CLMN: variants seen among roughly 807,000 people sequenced by gnomAD.
The protein encoded by CLMN is calmin (calponin-like, transmembrane).
A neutral mutation model predicts 92.7 loss-of-function variants in CLMN; 57 were observed. That is an observed-to-expected ratio of 0.61 (90% CI 0.50 to 0.77). CLMN has a LOEUF of 0.77. CLMN is among the 30% of genes least tolerant of loss of function. CLMN has a pLI of 0.00. For synonymous variants in CLMN, 466 were observed against 470.6 expected (o/e 0.99, Z 0.13); for missense variants, 1,158 against 1,237.5 (o/e 0.94, Z 0.96).
intron 1 of CLMN, among the ~76,000 whole-genome samples, chr14:95,312,151 T>C (rs1179908385): frequency 6.6e-6 from 1 of 152,006 alleles, no homozygotes; most frequent in Non-Finnish European, 1.5e-5. Context: ...CTCCCCACCC[T>C]ACACTCCTGC....
chr14:95,298,119 C>T (rs2140772962), intron 1 of CLMN, among the ~76,000 whole-genome samples: 1 of 152,250 alleles, frequency 6.6e-6, no homozygotes, highest in South Asian at 2.1e-4. Flanking sequence ...TCTCCCAGCT[C>T]CCATGGCGTC....
chr14:95,301,001 A>C (rs181778517), intron 1 of CLMN, among the ~76,000 whole-genome samples: 1 of 152,252 alleles, frequency 6.6e-6, no homozygotes, highest in Non-Finnish European at 1.5e-5. Flanking sequence ...AATAGAAATA[A>C]AAGTTGCAGA....
At chr14:95,303,157 G>A (rs1184646306) in intron 1 of CLMN, among the ~76,000 whole-genome samples, 2 of 152,204 alleles carry the variant, frequency 1.3e-5, no homozygotes, top group Non-Finnish European at 2.9e-5. Flanking sequence ...TTAAAAACTT[G>A]GCACCAGCCA....
intron 1 of CLMN, among the ~76,000 whole-genome samples, chr14:95,253,177 T>C (rs571759280): frequency 1.2e-4 from 18 of 152,184 alleles, no homozygotes; most frequent in African/African-American, 3.9e-4. Flanking sequence ...ACCACCCACA[T>C]TGGAAAGGAC....
At chr14:95,248,068 T>G (rs187714838) in intron 1 of CLMN, among the ~76,000 whole-genome samples, 2 of 149,718 alleles carry the variant, frequency 1.3e-5, no homozygotes, top group Admixed American at 1.3e-4. Flanking sequence ...TGGTTACAAT[T>G]AAAAGCAGCT....
intron 1 of CLMN, among the ~76,000 whole-genome samples, chr14:95,277,508 G>A (rs982967826): frequency 2.0e-5 from 3 of 152,154 alleles, no homozygotes; most frequent in African/African-American, 7.2e-5. Flanking sequence ...ATTATCTTGA[G>A]CAGTTAAAAG....
chr14:95,300,949 GGC>G (rs1364481362), intron 1 of CLMN, among the ~76,000 whole-genome samples: 2 of 152,232 alleles, frequency 1.3e-5, no homozygotes, highest in Non-Finnish European at 2.9e-5. Context: ...GAATCAGAAG[GGC>G]TCTGGTTGGT....
At chr14:95,244,797 T>C (rs1029556070) in intron 1 of CLMN, among the ~76,000 whole-genome samples, 2 of 151,924 alleles carry the variant, frequency 1.3e-5, no homozygotes, top group Admixed American at 6.6e-5. Flanking sequence ...ATCATATCAC[T>C]AACAGATCCC....
Position 95,194,624 on chromosome 14 carries a change from G to C in CLMN, c.2709-28C>G. The C allele has an allele frequency of 6.2e-7, 1 of 1,609,272 alleles. No homozygotes were observed. Among genetic ancestry groups the C allele is most frequent in the East Asian group, 2.2e-5 (1 of 44,854 alleles). ...GAAAAACAAACACATGTTTTGAATTGGTACCACCTGGAGCTCTTCATGGCT... is the reference window on the plus strand; with the variant it reads ...GAAAAACAAACACATGTTTTGAATTCGTACCACCTGGAGCTCTTCATGGCT... On this transcript the variant is annotated intron_variant, in intron 10 of 12. Coordinates refer to ENST00000298912, the MANE Select transcript of CLMN (RefSeq NM_024734.4). The surrounding 1 kb of genome is among the most constrained non-coding windows in gnomAD (Gnocchi z 4.0).
chr14:95,219,577 T>C (rs1897462002), intron 4 of CLMN, among the ~76,000 whole-genome samples: 1 of 152,128 alleles, frequency 6.6e-6, no homozygotes, highest in East Asian at 1.9e-4. Context: ...GTAGGTTTTG[T>C]TTTTCTCTCC....
chr14:95,233,629 C>A (rs1381151350), intron 1 of CLMN, among the ~76,000 whole-genome samples: 3 of 152,204 alleles, frequency 2.0e-5, no homozygotes, highest in African/African-American at 7.2e-5. Flanking sequence ...AACATGGCTG[C>A]CACAAGGTGT....
rs1190920379 is a variant in CLMN, at chr14:95,259,031, T to G, written c.83-28898A>C. Among the ~76,000 whole-genome samples the G allele has an allele frequency of 6.7e-6, 1 of 149,620 alleles. No individual in the cohort carries two copies. The highest frequency in any genetic ancestry group is 1.5e-5 in the Non-Finnish European group (1 of 67,432). On this transcript the variant is annotated intron_variant, in intron 1 of 12. Transcript: ENST00000298912. This position sits in a 1 kb window ranked among gnomAD's most constrained non-coding sequence, Gnocchi z 4.3. ...TATGTGTGATATGTGTTGTGTGTGT[T>G]TGTGTGGTGTGGTGTGTGGAGAATG...
intron 4 of CLMN, among the ~76,000 whole-genome samples, chr14:95,219,639 C>T (rs1395938562): frequency 1.3e-5 from 2 of 152,174 alleles, no homozygotes; most frequent in East Asian, 1.9e-4. Context: ...CATTTGCCTA[C>T]AGTTCCTGGG....
intron 7 of CLMN, among the ~76,000 whole-genome samples, chr14:95,210,167 C>T (rs1399670626): frequency 6.6e-6 from 1 of 152,176 alleles, no homozygotes; most frequent in East Asian, 1.9e-4. Context: ...ATTCTCCTGC[C>T]TCAGTCTCCC....
intron 1 of CLMN, among the ~76,000 whole-genome samples, chr14:95,253,403 G>T (rs1421939202): frequency 1.3e-5 from 2 of 152,108 alleles, no homozygotes; most frequent in East Asian, 3.9e-4. Flanking sequence ...ACCTCCTAAG[G>T]GTTAAGGCCA....
intron 1 of CLMN, among the ~76,000 whole-genome samples, chr14:95,306,517 T>C (rs1281489311): frequency 6.6e-6 from 1 of 151,814 alleles, no homozygotes; most frequent in Non-Finnish European, 1.5e-5. Context: ...GTGACAGAGC[T>C]AGACTCCATC....
intron 1 of CLMN, among the ~76,000 whole-genome samples, chr14:95,265,146 G>C (rs1899422669): frequency 6.6e-6 from 1 of 151,942 alleles, no homozygotes; most frequent in Non-Finnish European, 1.5e-5. Context: ...GGGAGGGTGA[G>C]GCTGAGAGGG....
intron 1 of CLMN, among the ~76,000 whole-genome samples, chr14:95,307,324 A>T (rs991817604): frequency 1.3e-5 from 2 of 152,260 alleles, no homozygotes; most frequent in African/African-American, 2.4e-5. Context: ...TGGCCAGGGC[A>T]GACTCCAGCA....
chr14:95,244,128 T>C (rs1016335182), intron 1 of CLMN, among the ~76,000 whole-genome samples: 4 of 152,206 alleles, frequency 2.6e-5, no homozygotes, highest in Non-Finnish European at 5.9e-5. Context: ...CCATGCTTCC[T>C]ATACAGCCTG....
Sources: allele counts gnomAD v4.1 joint callset (sites outside exome capture counted in the v4.1 genomes callset), GRCh38; gene constraint gnomAD v4.1.1; non-coding constraint Gnocchi (gnomAD v3.1); transcripts MANE v1.5; gene names NCBI Gene and HGNC (gene_info 2026-07-23, HGNC 2026-07-21).